CAST: variants seen among roughly 807,000 people sequenced by gnomAD.
CAST encodes the protein MIR583 host.
A neutral mutation model predicts 119.6 loss-of-function variants in CAST; 76 were observed. The ratio of observed to expected loss-of-function variants is 0.64; its 90% CI spans 0.53 to 0.77. The LOEUF (loss-of-function observed/expected upper bound fraction) is 0.77, where lower values mean the gene tolerates loss of function less well. CAST is among the 30% of genes least tolerant of loss of function. The pLI is 0.00. For missense variants in CAST, 953 were observed against 946.5 expected (o/e 1.01, Z -0.09); for synonymous variants, 319 against 331.6 (o/e 0.96, Z 0.41).
chr5:96,623,273 G>A, intron 1 of CAST, among the ~76,000 whole-genome samples: 1 of 151,604 alleles, frequency 6.6e-6, no homozygotes, highest in South Asian at 2.1e-4. Context: ...TTTTTTCCAT[G>A]AGTTCAAAAG....
the CAST span, among the ~76,000 whole-genome samples, chr5:96,321,273 A>C: frequency 1.3e-5 from 2 of 152,138 alleles, no homozygotes; most frequent in Non-Finnish European, 2.9e-5. Flanking sequence ...CCCACTCCTC[A>C]GCCTCTTACA....
the CAST span, among the ~76,000 whole-genome samples, chr5:96,478,052 G>A: frequency 6.6e-6 from 1 of 152,126 alleles, no homozygotes; most frequent in African/African-American, 2.4e-5. Context: ...TATATTTCTG[G>A]ATAATTGATT....
the CAST span, among the ~76,000 whole-genome samples, chr5:96,387,794 T>C: frequency 3.3e-5 from 5 of 152,184 alleles, no homozygotes; most frequent in African/African-American, 1.2e-4. Context: ...GTAAAATATG[T>C]AAGACAGAAC....
chr5:96,538,837 G>T (rs558052108), intron 1 of CAST, among the ~76,000 whole-genome samples: 2 of 152,088 alleles, frequency 1.3e-5, no homozygotes, highest in South Asian at 4.2e-4. Context: ...CTAATTTGCA[G>T]TTTGGGGTTT....
At chr5:96,061,627 G>A in the CAST span, among the ~76,000 whole-genome samples, 1 of 150,654 alleles carries the variant, frequency 6.6e-6, no homozygotes, top group South Asian at 2.1e-4. Context: ...AGAGTTGTTG[G>A]TGTGCCCTTG....
At chr5:96,743,459 T>C in intron 16 of CAST, 1 of 828,442 alleles carries the variant, frequency 1.2e-6, no homozygotes, top group South Asian at 2.0e-5. Context: ...TAGCCTGGGA[T>C]CCCCAGGAGC....
chr5:96,531,228 A>G (rs1358719671), intron 1 of CAST, among the ~76,000 whole-genome samples: 4 of 152,232 alleles, frequency 2.6e-5, no homozygotes, highest in African/African-American at 7.2e-5. Flanking sequence ...AGAGGAGGCC[A>G]CAGCTCACAG....
chr5:96,650,749 TG>T (rs1748084372), intron 1 of CAST, among the ~76,000 whole-genome samples: 1 of 151,814 alleles, frequency 6.6e-6, no homozygotes, highest in Non-Finnish European at 1.5e-5. Flanking sequence ...TGTGTGTGTG[TG>T]TGTGTGTGTG....
the CAST span, among the ~76,000 whole-genome samples, chr5:96,189,605 A>G: frequency 6.6e-6 from 1 of 151,868 alleles, no homozygotes; most frequent in African/African-American, 2.4e-5. Context: ...GCTTTCTGGG[A>G]CCCCTATTGG....
the CAST span, chr5:96,433,058 T>TATGAG: frequency 6.2e-7 from 1 of 1,612,848 alleles, no homozygotes; most frequent in Non-Finnish European, 8.5e-7. Context: ...ACACACTCGC[T>TATGAG]TGAACAAGAG....
At chr5:96,332,805 T>C in the CAST span, among the ~76,000 whole-genome samples, 4 of 152,160 alleles carry the variant, frequency 2.6e-5, no homozygotes, top group African/African-American at 9.7e-5. Context: ...ATACACCCCA[T>C]TGAGGCTTGA....
At chr5:96,290,070 T>C in the CAST span, among the ~76,000 whole-genome samples, 1 of 152,226 alleles carries the variant, frequency 6.6e-6, no homozygotes, top group Admixed American at 6.5e-5. Context: ...TTTATCAGAA[T>C]ACTTGGAAAG....
intron 31 of CAST, 73 bp from the exon 32 acceptor site, chr5:96,772,567 A>G (rs1772850219): frequency 6.5e-6 from 1 of 152,768 alleles, no homozygotes; most frequent in Non-Finnish European, 1.5e-5. Context: ...GCTAAGTGGT[A>G]TATTTACTAT....
intron 1 of CAST, among the ~76,000 whole-genome samples, chr5:96,580,102 C>T (rs1317641261): frequency 2.0e-5 from 3 of 152,190 alleles, no homozygotes; most frequent in African/African-American, 7.2e-5. Context: ...TCCCATAAGG[C>T]TAGTCTTAAA....
intron 1 of CAST, among the ~76,000 whole-genome samples, chr5:96,552,979 G>T (rs188483667): frequency 1.8e-4 from 28 of 152,212 alleles, no homozygotes; most frequent in Middle Eastern, 6.8e-3. Context: ...TCTACCAGAG[G>T]TACAAAGAGG....
At chr5:95,988,174 A>G in the CAST span, among the ~76,000 whole-genome samples, 2 of 152,166 alleles carry the variant, frequency 1.3e-5, no homozygotes, top group African/African-American at 2.4e-5. Flanking sequence ...CTATATACCT[A>G]TAAATGAGTT....
At chr5:96,662,218 C>G (rs1748600416), upstream of CAST, 2 of 541,874 alleles carry the variant, frequency 3.7e-6, no homozygotes, top group Middle Eastern at 5.3e-4. Flanking sequence ...CCGGGTCCCT[C>G]CGCGGGCAGG....
At chr5:95,991,465 G>C in the CAST span, among the ~76,000 whole-genome samples, 2 of 148,186 alleles carry the variant, frequency 1.3e-5, no homozygotes. Flanking sequence ...CTAATGTTCA[G>C]AGTAGAGTGA....
the CAST span, among the ~76,000 whole-genome samples, chr5:96,283,684 T>C: frequency 3.3e-5 from 5 of 152,200 alleles, no homozygotes; most frequent in Admixed American, 2.6e-4. Context: ...CCTCGGACAC[T>C]TAGGTGAGGC....
Sources: gnomAD v4.1 joint callset for allele counts (sites outside exome capture counted in the v4.1 genomes callset) on GRCh38, gnomAD v4.1.1 for gene constraint, MANE v1.5 for transcripts, NCBI Gene and HGNC (gene_info 2026-07-23, HGNC 2026-07-21) for gene names.